The following KLHDC10 variants were observed in gnomAD, a reference collection of about 807,000 sequenced individuals.
KLHDC10 encodes kelch domain containing 10, also known as kelch domain-containing protein 10.
KLHDC10 carries 24 observed loss-of-function variants against 56.1 expected under a neutral mutation model. The ratio of observed to expected loss-of-function variants is 0.43; its 90% CI spans 0.31 to 0.60. The LOEUF is 0.60. Ranked by LOEUF, KLHDC10 falls within the 20% of genes least tolerant of loss-of-function variation. The pLI is 0.11. For missense variants in KLHDC10, 349 were observed against 567.0 expected (o/e 0.62, Z 3.91); for synonymous variants, 188 against 207.1 (o/e 0.91, Z 0.79).
chr7:130,084,025 T>G (rs1795647597), intron 1 of KLHDC10, among the ~76,000 whole-genome samples: 1 of 152,232 alleles, frequency 6.6e-6, no homozygotes, highest in Non-Finnish European at 1.5e-5. Context: ...CTTCCAAATC[T>G]GTGATTTTCA....
Position 130,126,638 on chromosome 7 carries a change from G to A in KLHDC10, c.931+707G>A, listed in dbSNP as rs369674646. On this transcript the variant is annotated intron_variant, in intron 7 of 9. Coordinates refer to ENST00000335420, the MANE Select transcript of KLHDC10 (RefSeq NM_014997.4). ...TTGCAGTGAGCCAAGATCACGCCAC[G>A]GCACTCCAACCTGGGAGACAGAGCA... Among the ~76,000 whole-genome samples the A allele has an allele frequency of 6.6e-5, 10 of 151,418 alleles. No homozygotes were observed. The East Asian group carries it at 9.8e-4, about 15-fold the overall frequency.
intron 1 of KLHDC10, among the ~76,000 whole-genome samples, chr7:130,095,291 AATATT>A (rs1245690286): frequency 6.6e-6 from 1 of 152,044 alleles, no homozygotes; most frequent in Non-Finnish European, 1.5e-5. Flanking sequence ...TCCACGAAAA[AATATT>A]AAAAAGAAAA....
intron 1 of KLHDC10, among the ~76,000 whole-genome samples, chr7:130,078,643 C>T (rs1333420216): frequency 3.3e-5 from 5 of 151,948 alleles, no homozygotes; most frequent in Admixed American, 6.6e-5. Flanking sequence ...CTCAGCCTCC[C>T]GACTAGCTGA....
chr7:130,107,822 C>T (rs1420729380), intron 2 of KLHDC10, among the ~76,000 whole-genome samples: 16 of 111,594 alleles, frequency 1.4e-4, no homozygotes, highest in African/African-American at 4.8e-4. Context: ...CTAGCCTGGG[C>T]GACAGAGTGG....
intron 2 of KLHDC10, among the ~76,000 whole-genome samples, chr7:130,109,974 T>C (rs569316024): frequency 6.6e-6 from 1 of 152,298 alleles, no homozygotes; most frequent in South Asian, 2.1e-4. Flanking sequence ...AAATCTGAGA[T>C]TGTGTGTTAC....
At chr7:130,103,153 C>T (rs58945172) in intron 2 of KLHDC10, among the ~76,000 whole-genome samples, 2,043 of 152,018 alleles carry the variant, frequency 0.013, 45 homozygotes, top group African/African-American at 0.046. Flanking sequence ...TGGCCAGGCA[C>T]GGTGGCTCAC....
At chr7:130,095,713 T>A (rs1795840437) in intron 1 of KLHDC10, among the ~76,000 whole-genome samples, 1 of 152,196 alleles carries the variant, frequency 6.6e-6, no homozygotes. Flanking sequence ...AATGGACATC[T>A]GAATATATAT....
chr7:130,117,849 C>CAAAAAAAAAA (rs60800057), intron 3 of KLHDC10, among the ~76,000 whole-genome samples: 3 of 73,192 alleles, frequency 4.1e-5, no homozygotes, highest in East Asian at 4.6e-4. Flanking sequence ...GACCCTGTCT[C>CAAAAAAAAAA]AAAAAAAAAA....
chr7:130,123,433 G>A (rs1796277111), intron 5 of KLHDC10, among the ~76,000 whole-genome samples: 1 of 150,986 alleles, frequency 6.6e-6, no homozygotes, highest in South Asian at 2.1e-4. Context: ...TCACGCCATT[G>A]CGCTCCAGCC....
At position 130,134,240 on chromosome 7, in the gene KLHDC10, T is replaced by C. The variant is rs35585693; in HGVS notation, c.*3494T>C. ...TGAGTAGGTAGAAAAGGAAAAGGAA[T>C]AATCAGTAGGAGCTGACAACCAGTG... On this transcript the variant is annotated 3_prime_UTR_variant, in exon 10 of 10. Coordinates refer to ENST00000335420, the MANE Select transcript of KLHDC10 (RefSeq NM_014997.4). The C allele has an allele frequency of 0.28, 43,303 of 152,062 alleles. 6,539 individuals are homozygous for C. Among genetic ancestry groups the C allele is most frequent in the African/African-American group, 0.34 (13,942 of 41,440 alleles). 9.4% of individuals were successfully genotyped at this position (152,062 alleles called of 1,614,324 possible).
Position 130,135,645 on chromosome 7 carries a change from T to C in KLHDC10, c.*4899T>C, listed in dbSNP as rs1253779315. The C allele has an allele frequency of 6.5e-6, 1 of 154,400 alleles. No homozygotes were observed. The highest frequency in any genetic ancestry group is 2.4e-5 in the African/African-American group (1 of 41,534). 9.6% of individuals were successfully genotyped at this position (154,400 alleles called of 1,614,324 possible). ...ATGTCCAATCTGTATTTATGTACCT[T>C]GTCAGTGTTTTGCTGTTGGTTTTCT... On this transcript the variant is annotated 3_prime_UTR_variant, in exon 10 of 10. Transcript: ENST00000335420.
chr7:130,129,649 G>A, intron 9 of KLHDC10, 73 bp downstream of exon 9: 1 of 1,448,466 alleles, frequency 6.9e-7, no homozygotes, highest in Non-Finnish European at 9.4e-7. Context: ...ATATTAGCAA[G>A]AAAAAAAGCC....
chr7:130,110,297 C>G (rs1796083473), intron 2 of KLHDC10, among the ~76,000 whole-genome samples: 1 of 152,148 alleles, frequency 6.6e-6, no homozygotes, highest in African/African-American at 2.4e-5. Flanking sequence ...TTAACAAACT[C>G]ATTCTAAAAT....
Position 130,129,487 on chromosome 7 carries a change from TG to T in KLHDC10, c.1032del (p.Trp344Ter). 6.2e-7 allele frequency: 1 copy of T among 1,614,174 alleles called. No individual in the cohort carries two copies. The highest frequency in any genetic ancestry group is 8.5e-7 in the Non-Finnish European group (1 of 1,179,994). Reference sequence around the variant, plus strand: ...TGGAGAGGTGATCCTGGGAGATATCTGGAAGTTGAATCTGCAGACTTTCCAA... The same window carrying T: ...TGGAGAGGTGATCCTGGGAGATATCTGAAGTTGAATCTGCAGACTTTCCAA... ...YNGEVILGDI[W>X]KLNLQTFQWV... On this transcript the variant is annotated frameshift_variant, in exon 9 of 10. Coordinates refer to ENST00000335420, the MANE Select transcript of KLHDC10 (RefSeq NM_014997.4). LOFTEE classifies it high-confidence loss of function.
At chr7:130,081,286 A>C (rs1041516829) in intron 1 of KLHDC10, among the ~76,000 whole-genome samples, 1 of 150,422 alleles carries the variant, frequency 6.6e-6, no homozygotes, top group African/African-American at 2.4e-5. Context: ...GGCGTGAGCC[A>C]CCGCGCCTGG....
At chr7:130,098,506 A>G (rs555696244) in intron 2 of KLHDC10, among the ~76,000 whole-genome samples, 35 of 152,162 alleles carry the variant, frequency 2.3e-4, no homozygotes, top group Non-Finnish European at 4.3e-4. Flanking sequence ...AAAAAGAAAA[A>G]AAATTAGATG....
intron 1 of KLHDC10, among the ~76,000 whole-genome samples, chr7:130,072,302 C>T (rs773861032): frequency 6.6e-6 from 1 of 152,168 alleles, no homozygotes; most frequent in African/African-American, 2.4e-5. Context: ...TTCCTAGAAC[C>T]TGCTTGGTGC....
chr7:130,106,709 GGCTCAT>G (rs1796012272), intron 2 of KLHDC10, among the ~76,000 whole-genome samples: 1 of 152,194 alleles, frequency 6.6e-6, no homozygotes, highest in South Asian at 2.1e-4. Flanking sequence ...GGCGCACAGT[GGCTCAT>G]GCCTGTAATC....
chr7:130,077,460 G>C (rs956168760), intron 1 of KLHDC10, among the ~76,000 whole-genome samples: 3 of 146,894 alleles, frequency 2.0e-5, no homozygotes, highest in African/African-American at 7.6e-5. Flanking sequence ...TTTTATATAG[G>C]CCTCACATTT....
Sources: allele counts gnomAD v4.1 joint callset (sites outside exome capture counted in the v4.1 genomes callset), GRCh38; gene constraint gnomAD v4.1.1; transcripts MANE v1.5; gene names NCBI Gene and HGNC (gene_info 2026-07-23, HGNC 2026-07-21).